COL12A1: variants seen among roughly 807,000 people sequenced by gnomAD.
COL12A1 encodes the protein collagen alpha-1(XII) chain.
COL12A1 carries 114 observed loss-of-function variants against 349.7 expected under a neutral mutation model. The ratio of observed to expected loss-of-function variants is 0.33; its 90% confidence interval spans 0.28 to 0.38. The LOEUF (loss-of-function observed/expected upper bound fraction) is 0.38, where lower values mean the gene tolerates loss of function less well. Among genes scored for constraint, COL12A1 ranks in the 10% least tolerant of loss-of-function variants. COL12A1 has a pLI of 1.00. For missense variants in COL12A1, 3,284 were observed against 3,756.9 expected (o/e 0.87, Z 3.29); for synonymous variants, 1,369 against 1,329.0 (o/e 1.03, Z -0.66).
intron 31 of COL12A1, among the ~76,000 whole-genome samples, chr6:75,136,774 C>T (rs1381683090): frequency 6.6e-6 from 1 of 151,974 alleles, no homozygotes; most frequent in Non-Finnish European, 1.5e-5. Context: ...TCACAAAAGG[C>T]AAAGTTGTAG....
Position 75,145,852 on chromosome 6 carries a change from G to A in COL12A1, c.4560+250C>T, listed in dbSNP as rs535017489. ...TCACCATATTGGTCGGGCTAGTCTC[G>A]AACTCCTGACTTCAGGTGATCTGCC... On this transcript the variant is annotated intron_variant, in intron 24 of 65. Coordinates refer to ENST00000322507, the MANE Select transcript of COL12A1 (RefSeq NM_004370.6). Among the ~76,000 whole-genome samples the A allele has an allele frequency of 1.8e-3, 267 of 152,050 alleles. No individual in the cohort carries two copies. The South Asian group carries it at 0.022, about 13-fold the overall frequency.
rs1398653047 is a variant in COL12A1 at position 75,124,244 on chromosome 6, T to C, written c.6724+11A>G. 1.9e-6 allele frequency: 3 copies of C among 1,607,426 alleles called. No individual in the cohort carries two copies. The highest frequency in any genetic ancestry group is 1.7e-5 in the Admixed American group (1 of 58,624). On this transcript the variant is annotated intron_variant, in intron 41 of 65. Coordinates refer to ENST00000322507, the MANE Select transcript of COL12A1 (RefSeq NM_004370.6). ...TGCTCCAGATCATTTTTTTCTTTTT[T>C]ACACACATACCATCTGCAGGGCTTA...
intron 40 of COL12A1, among the ~76,000 whole-genome samples, chr6:75,124,819 A>G (rs1765932689): frequency 6.6e-6 from 1 of 152,204 alleles, no homozygotes; most frequent in South Asian, 2.1e-4. Context: ...AGAACTAAGT[A>G]GCATCACAGA....
chr6:75,166,318 C>T (rs1768305025), intron 13 of COL12A1, among the ~76,000 whole-genome samples: 2 of 152,148 alleles, frequency 1.3e-5, no homozygotes, highest in Admixed American at 1.3e-4. Context: ...CTTTTATTTG[C>T]TCATGCAGTT....
At chr6:75,126,201 T>C in intron 39 of COL12A1, 150 bp downstream of exon 39, 3 of 762,710 alleles carry the variant, frequency 3.9e-6, no homozygotes, top group Non-Finnish European at 5.8e-6. Context: ...GCTTAAAATG[T>C]TATTGCCAAA....
At chr6:75,143,171 T>C (rs1290607606) in intron 26 of COL12A1, 81 bp downstream of exon 26, 1 of 1,480,072 alleles carries the variant, frequency 6.8e-7, no homozygotes, top group African/African-American at 1.4e-5. Context: ...AAACATGCTA[T>C]CATCCATACT....
chr6:75,118,268 A>G (rs1769184690), intron 46 of COL12A1, among the ~76,000 whole-genome samples: 1 of 152,232 alleles, frequency 6.6e-6, no homozygotes. Flanking sequence ...ATAAAAGATC[A>G]GCAAGAACAA....
chr6:75,153,509 C>G (rs961057426), intron 17 of COL12A1, among the ~76,000 whole-genome samples: 7 of 151,930 alleles, frequency 4.6e-5, no homozygotes, highest in Non-Finnish European at 1.0e-4. Flanking sequence ...CAGTTTATTA[C>G]AAGGTTAGCA....
chr6:75,161,111 C>T (rs1243481712), intron 14 of COL12A1, among the ~76,000 whole-genome samples: 3 of 151,990 alleles, frequency 2.0e-5, no homozygotes, highest in Non-Finnish European at 2.9e-5. Context: ...GCTGGGACCA[C>T]GTGGACGCAC....
Position 75,085,199 on chromosome 6 carries a change from G to C in COL12A1, c.*1348C>G, listed in dbSNP as rs1464226114. On this transcript the variant is annotated 3_prime_UTR_variant, in exon 66 of 66. Transcript: ENST00000322507. ...GCGCGTGATCTCTGGTTCACTGCCC[G>C]GGTCCGTGGGGCAGGGCGCGCCGCC... 8.6e-6 allele frequency: 4 copies of C among 467,050 alleles called. No individual in the cohort carries two copies. Among genetic ancestry groups the C allele is most frequent in the Non-Finnish European group, 1.8e-5 (4 of 226,148 alleles). The allele number at this position is 467,050 out of a possible 1,614,324, so 28.9% of individuals were successfully genotyped here. A position where few individuals can be genotyped will look rare whatever the true frequency, so the allele number is the denominator to read the frequency against.
chr6:75,138,799 G>C lies in COL12A1; in HGVS notation c.5097+23C>G, dbSNP rs140273692. 4.7e-5 allele frequency: 75 copies of C among 1,612,540 alleles called. No homozygotes were observed. In the African/African-American group the frequency reaches 8.1e-4, roughly 18 times the overall value. On this transcript the variant is annotated intron_variant, in intron 28 of 65. Coordinates refer to ENST00000322507, the MANE Select transcript of COL12A1 (RefSeq NM_004370.6). ...TTAAATGGGACATGAAAGACAGAGA[G>C]AAAGATAAAGAGAGTTAACTACCTC...
intron 23 of COL12A1, 182 bp from the exon 24 acceptor site, chr6:75,146,426 G>A (rs1767198272): frequency 1.9e-6 from 1 of 540,496 alleles, no homozygotes; most frequent in African/African-American, 1.9e-5. Context: ...ATTGCTCATT[G>A]CACTTCATAT....
At chr6:75,101,687 T>C in intron 57 of COL12A1, 34 bp from the exon 58 acceptor site, 3 of 1,599,638 alleles carry the variant, frequency 1.9e-6, no homozygotes, top group Non-Finnish European at 2.6e-6. Context: ...TGAAACATTA[T>C]AATATACTTC....
At chr6:75,149,786 T>C (rs1767389760) in intron 21 of COL12A1, among the ~76,000 whole-genome samples, 1 of 152,112 alleles carries the variant, frequency 6.6e-6, no homozygotes, top group Admixed American at 6.6e-5. Flanking sequence ...TATCAAGCAA[T>C]TTTACTGTCT....
At chr6:75,160,070 A>C (rs1250860120) in intron 14 of COL12A1, among the ~76,000 whole-genome samples, 2 of 151,972 alleles carry the variant, frequency 1.3e-5, no homozygotes, top group South Asian at 2.1e-4. Context: ...AAAAAAAAAA[A>C]CCCTTGTTGG....
At chr6:75,124,930 C>A (rs939150522) in intron 40 of COL12A1, among the ~76,000 whole-genome samples, 197 bp downstream of exon 40, 7 of 152,084 alleles carry the variant, frequency 4.6e-5, no homozygotes, top group African/African-American at 1.2e-4. Context: ...ACAAATTTCT[C>A]ACCATATATA....
At chr6:75,148,333 G>A in intron 22 of COL12A1, 25 bp downstream of exon 22, 1 of 1,599,682 alleles carries the variant, frequency 6.3e-7, no homozygotes. Context: ...TCAGGAAGAA[G>A]TAAGTTATAG....
Position 75,105,282 on chromosome 6 carries a change from C to T in COL12A1, c.8189G>A (p.Gly2730Glu), listed in dbSNP as rs1342383183. The change falls in exon 54 of 66, where the codon GGA (glycine) becomes GAA (glutamate). Residue 2730 changes from glycine to glutamate, a missense_variant. This residue lies in a region of COL12A1 where 683 missense variants were observed against 932.1 expected (regional missense o/e 0.73). Coordinates refer to ENST00000322507, the MANE Select transcript of COL12A1 (RefSeq NM_004370.6). ...AGAATTTGGAAAAGCAGGGCATTTT[C>T]CCTCATCTCTCTGAAATTTTGAAAA... ...CCDIPSRRDE[G>E]KCPAFPNSCT... The T allele has an allele frequency of 3.1e-6, 5 of 1,613,248 alleles. No individual in the cohort carries two copies. Among genetic ancestry groups the T allele is most frequent in the Non-Finnish European group, 4.2e-6 (5 of 1,179,658 alleles).
chr6:75,169,059 TCTCCC>T (rs568715508), intron 13 of COL12A1, among the ~76,000 whole-genome samples: 51 of 152,240 alleles, frequency 3.3e-4, no homozygotes, highest in African/African-American at 1.2e-3. Flanking sequence ...ACTGCTCTCT[TCTCCC>T]CTCCATCTTG....
Sources: allele counts gnomAD v4.1 joint callset (sites outside exome capture counted in the v4.1 genomes callset), GRCh38; gene constraint gnomAD v4.1.1; regional missense constraint gnomAD v4.1.1; transcripts MANE v1.5; gene names NCBI Gene and HGNC (gene_info 2026-07-23, HGNC 2026-07-21).